Variants in MAGI1 observed in about 807,000 individuals in gnomAD.
MAGI1 encodes the protein membrane-associated guanylate kinase, WW and PDZ domain-containing protein 1.
A neutral mutation model predicts 139.9 loss-of-function variants in MAGI1; 58 were observed. That is an observed-to-expected ratio of 0.41 (90% CI 0.34 to 0.52). The LOEUF (loss-of-function observed/expected upper bound fraction) is 0.52, where lower values mean the gene tolerates loss of function less well. MAGI1 is among the 20% of genes least tolerant of loss of function. MAGI1 has a pLI of 0.12. For synonymous variants in MAGI1, 812 were observed against 737.9 expected, an observed-to-expected ratio of 1.10 and a Z score of -1.63; for missense variants, 1,874 against 1,901.6, an observed-to-expected ratio of 0.99 and a Z score of 0.27.
At chr3:66,024,071 C>T (rs2068098741) in intron 1 of MAGI1, among the ~76,000 whole-genome samples, 2 of 152,062 alleles carry the variant, frequency 1.3e-5, no homozygotes, top group South Asian at 4.1e-4. Flanking sequence ...ACACACATTT[C>T]CTGACCCTTT....
At chr3:65,375,994 G>A in intron 17 of MAGI1, 49 bp from the exon 18 acceptor site, 1 of 1,395,154 alleles carries the variant, frequency 7.2e-7, no homozygotes, top group South Asian at 1.2e-5. Context: ...TGGGAATATA[G>A]CAAAGGGAAG....
Position 65,905,415 on chromosome 3 carries a change from A to G in MAGI1, c.313+132581T>C, listed in dbSNP as rs1224313856. On this transcript the variant is annotated intron_variant, in intron 1 of 22. Transcript: ENST00000402939. ...GGCAACCTAGTGAGACCTCATCTCT[A>G]TGAAATATTTTTTTTTTCTAATTAG... Among the ~76,000 whole-genome samples the G allele has an allele frequency of 1.5e-5, 2 of 137,632 alleles. 1 individual carries two copies. The highest frequency in any genetic ancestry group is 5.9e-5 in the African/African-American group (2 of 33,726). 90.3% of individuals were successfully genotyped at this position (137,632 alleles called of 152,430 possible).
intron 18 of MAGI1, among the ~76,000 whole-genome samples, chr3:65,374,749 C>T (rs1339293818): frequency 1.3e-5 from 2 of 152,160 alleles, no homozygotes; most frequent in African/African-American, 2.4e-5. Flanking sequence ...CTAGATGCTA[C>T]TCACACCCAC....
At chr3:65,654,305 A>T (rs897920196) in intron 1 of MAGI1, among the ~76,000 whole-genome samples, 2 of 152,148 alleles carry the variant, frequency 1.3e-5, no homozygotes, top group African/African-American at 4.8e-5. Flanking sequence ...CCCAAAATCA[A>T]TCATCTCTAA....
chr3:65,392,996 T>C (rs546308179), intron 13 of MAGI1, among the ~76,000 whole-genome samples: 10 of 152,290 alleles, frequency 6.6e-5, no homozygotes, highest in African/African-American at 2.2e-4. Flanking sequence ...AAACATACAC[T>C]GTTGCAGATG....
chr3:65,541,249 T>C (rs2079204874), intron 2 of MAGI1, among the ~76,000 whole-genome samples: 1 of 151,986 alleles, frequency 6.6e-6, no homozygotes, highest in Admixed American at 6.6e-5. Flanking sequence ...AAAAGACCAA[T>C]AACAAGTTCT....
chr3:65,516,945 G>T (rs2077928270), intron 2 of MAGI1, among the ~76,000 whole-genome samples: 1 of 150,846 alleles, frequency 6.6e-6, no homozygotes, highest in Non-Finnish European at 1.5e-5. Flanking sequence ...AGCCGGGATG[G>T]TCTCGATCTC....
At chr3:65,814,261 T>G (rs2041463813) in intron 1 of MAGI1, among the ~76,000 whole-genome samples, 1 of 152,170 alleles carries the variant, frequency 6.6e-6, no homozygotes, top group Non-Finnish European at 1.5e-5. Flanking sequence ...ACAGTCATGA[T>G]AAAATTCATT....
At chr3:65,416,199 C>G (rs544954743) in intron 12 of MAGI1, among the ~76,000 whole-genome samples, 1 of 152,290 alleles carries the variant, frequency 6.6e-6, no homozygotes, top group East Asian at 1.9e-4. Flanking sequence ...TGCCAAGACC[C>G]CTTTTGCATA....
intron 1 of MAGI1, among the ~76,000 whole-genome samples, chr3:65,973,257 C>G (rs2065096800): frequency 6.6e-6 from 1 of 152,166 alleles, no homozygotes. Flanking sequence ...AGCCCCCTTT[C>G]CTAACAGTCA....
intron 1 of MAGI1, among the ~76,000 whole-genome samples, chr3:65,894,478 A>C (rs535899518): frequency 1.2e-3 from 187 of 152,382 alleles, no homozygotes; most frequent in African/African-American, 4.3e-3. Context: ...GGATATCCAA[A>C]TATAAATTAT....
rs546688862 is a variant in MAGI1 at position 65,612,512 on chromosome 3, AT to A, written c.430+9459del. 5.1e-4 allele frequency among the ~76,000 whole-genome samples: 77 copies of A among 151,388 alleles called. 1 individual carries two copies. Among genetic ancestry groups the A allele is most frequent in the South Asian group, 5.0e-3 (24 of 4,828 alleles). Reference sequence around the variant, plus strand: ...GGTTAATTTTAAATGCAATAAAAAAATATGTCATTGATCATTTTAAAAGTCT... The same window carrying A: ...GGTTAATTTTAAATGCAATAAAAAAAATGTCATTGATCATTTTAAAAGTCT... On this transcript the variant is annotated intron_variant, in intron 2 of 22. Transcript: ENST00000402939.
chr3:65,773,437 G>T (rs917058845), intron 1 of MAGI1, among the ~76,000 whole-genome samples: 13 of 152,168 alleles, frequency 8.5e-5, no homozygotes, highest in African/African-American at 3.1e-4. Context: ...GGTGGCTGAG[G>T]CAGGAAGATC....
intron 1 of MAGI1, among the ~76,000 whole-genome samples, chr3:65,861,094 A>G (rs1334290810): frequency 6.6e-6 from 1 of 152,136 alleles, no homozygotes; most frequent in Non-Finnish European, 1.5e-5. Flanking sequence ...GCGGCCTTTG[A>G]TCATGGGGCC....
chr3:65,842,323 T>C (rs1357337320), intron 1 of MAGI1, among the ~76,000 whole-genome samples: 1 of 152,132 alleles, frequency 6.6e-6, no homozygotes, highest in African/African-American at 2.4e-5. Context: ...CTCTTTCTTT[T>C]TCAATGTTCC....
chr3:65,755,994 C>A (rs992351972), intron 1 of MAGI1, among the ~76,000 whole-genome samples: 7 of 152,132 alleles, frequency 4.6e-5, no homozygotes, highest in Non-Finnish European at 8.8e-5. Flanking sequence ...ATAAGCTCTC[C>A]CCTTAAGTCT....
chr3:65,574,988 T>C (rs1363087462), intron 2 of MAGI1, among the ~76,000 whole-genome samples: 3 of 152,114 alleles, frequency 2.0e-5, no homozygotes, highest in Admixed American at 6.6e-5. Context: ...AAGAAAACTT[T>C]TGTGACTTTA....
chr3:65,903,874 G>A (rs2061334440), intron 1 of MAGI1, among the ~76,000 whole-genome samples: 2 of 151,964 alleles, frequency 1.3e-5, no homozygotes, highest in South Asian at 2.1e-4. Context: ...CAGGTGTGGT[G>A]GTGCACACCT....
chr3:65,537,166 A>C (rs1337644996), intron 2 of MAGI1, among the ~76,000 whole-genome samples: 1 of 152,162 alleles, frequency 6.6e-6, no homozygotes, highest in Non-Finnish European at 1.5e-5. Flanking sequence ...TTTAAGTTCT[A>C]AATGCACTCC....
Sources: allele counts gnomAD v4.1 joint callset (sites outside exome capture counted in the v4.1 genomes callset), GRCh38; gene constraint gnomAD v4.1.1; transcripts MANE v1.5; gene names NCBI Gene and HGNC (gene_info 2026-07-23, HGNC 2026-07-21).